PLXNA4: variants seen among roughly 807,000 people sequenced by gnomAD.
The protein encoded by PLXNA4 is plexin A4, also known as plexin-A4.
Under a neutral mutation model 191.8 loss-of-function variants are expected in PLXNA4, and 44 were observed. That is an observed-to-expected ratio of 0.23 (90% CI 0.18 to 0.29). The LOEUF is 0.29. Among genes scored for constraint, PLXNA4 ranks in the 10% least tolerant of loss-of-function variants. The pLI, the probability that PLXNA4 is intolerant of heterozygous loss-of-function variation, is 1.00. For missense variants in PLXNA4, 1,800 were observed against 2,488.8 expected (o/e 0.72, Z 5.89); for synonymous variants, 1,082 against 1,009.5 (o/e 1.07, Z -1.36).
At chr7:132,442,722 C>CA (rs747649274) in intron 3 of PLXNA4, among the ~76,000 whole-genome samples, 5 of 152,250 alleles carry the variant, frequency 3.3e-5, no homozygotes, top group Non-Finnish European at 7.3e-5. Flanking sequence ...AAAACAGTCC[C>CA]AGGCCAACCT....
chr7:132,403,409 G>A (rs1303422317), intron 3 of PLXNA4, among the ~76,000 whole-genome samples: 4 of 152,216 alleles, frequency 2.6e-5, no homozygotes, highest in East Asian at 1.9e-4. Context: ...AGCTGGCAGC[G>A]TGAGCCTAAA....
intron 31 of PLXNA4, among the ~76,000 whole-genome samples, chr7:132,132,378 ATTTGTTCTGT>A (rs1794953943): frequency 7.9e-6 from 1 of 126,652 alleles, no homozygotes; most frequent in Non-Finnish European, 1.6e-5. Flanking sequence ...AACACATTCT[ATTTGTTCTGT>A]TCTGTTCTGT....
At chr7:132,168,267 C>A in intron 22 of PLXNA4, 37 bp downstream of exon 22, 2 of 1,490,920 alleles carry the variant, frequency 1.3e-6, no homozygotes, top group Non-Finnish European at 1.8e-6. Flanking sequence ...AGGTGCATGG[C>A]TAGGCTGGAG....
intron 2 of PLXNA4, among the ~76,000 whole-genome samples, chr7:132,596,859 G>A (rs555568006): frequency 0.02 from 857 of 42,170 alleles, 7 homozygotes; most frequent in Middle Eastern, 0.094. Context: ...TAAATGCCAT[G>A]GTCCTGAAAA....
At chr7:132,135,366 G>A (rs1019813638) in intron 30 of PLXNA4, among the ~76,000 whole-genome samples, 2 of 152,180 alleles carry the variant, frequency 1.3e-5, no homozygotes, top group African/African-American at 2.4e-5. Context: ...CCCATGGAAA[G>A]GACACAACTG....
chr7:132,381,634 A>G (rs930222626), intron 3 of PLXNA4, among the ~76,000 whole-genome samples: 2 of 152,238 alleles, frequency 1.3e-5, no homozygotes, highest in Admixed American at 6.5e-5. Flanking sequence ...TAATAAGGCA[A>G]AGAATTTACA....
At chr7:132,439,378 C>A (rs1300614051) in intron 3 of PLXNA4, among the ~76,000 whole-genome samples, 1 of 152,182 alleles carries the variant, frequency 6.6e-6, no homozygotes, top group African/African-American at 2.4e-5. Flanking sequence ...CATGAACAAG[C>A]AATTTACTTG....
chr7:132,326,288 A>G (rs2116667375), intron 3 of PLXNA4, among the ~76,000 whole-genome samples: 2 of 152,302 alleles, frequency 1.3e-5, no homozygotes, highest in South Asian at 4.1e-4. Flanking sequence ...ACTCCAGATG[A>G]GGGAACTTCC....
chr7:132,458,846 C>T (rs915960301), intron 3 of PLXNA4, among the ~76,000 whole-genome samples: 1 of 152,112 alleles, frequency 6.6e-6, no homozygotes, highest in African/African-American at 2.4e-5. Context: ...TGGAAACAGT[C>T]CCTCTGCCAA....
chr7:132,353,619 A>G (rs1176414223), intron 3 of PLXNA4, among the ~76,000 whole-genome samples: 1 of 152,190 alleles, frequency 6.6e-6, no homozygotes, highest in African/African-American at 2.4e-5. Context: ...AAGCTCGAGG[A>G]AAACCTTATT....
At chr7:132,173,697 G>A (rs1000212947) in intron 21 of PLXNA4, among the ~76,000 whole-genome samples, 13 of 152,252 alleles carry the variant, frequency 8.5e-5, no homozygotes, top group East Asian at 3.9e-4. Context: ...CTCAGGTGTC[G>A]GTACCTGCAA....
chr7:132,617,056 C>A (rs1431870838), intron 2 of PLXNA4, among the ~76,000 whole-genome samples: 1 of 152,194 alleles, frequency 6.6e-6, no homozygotes, highest in Non-Finnish European at 1.5e-5. Context: ...TCCAGGTTGA[C>A]TTGAGTGGCT....
At chr7:132,246,793 ATCATCATCATCATCC>A (rs1562989608) in intron 4 of PLXNA4, among the ~76,000 whole-genome samples, 3 of 151,316 alleles carry the variant, frequency 2.0e-5, no homozygotes, top group African/African-American at 4.9e-5. Flanking sequence ...CATCATCATC[ATCATCATCATCATCC>A]TCATCATCAT....
chr7:132,129,662 C>T lies in PLXNA4; in HGVS notation c.*817G>A, dbSNP rs13246116. On this transcript the variant is annotated 3_prime_UTR_variant, in exon 32 of 32. Coordinates refer to ENST00000321063, the MANE Select transcript of PLXNA4 (RefSeq NM_020911.2). ...GGTAGATGCAACTCTCTTTCCTTTT[C>T]TCCCCCTGTGTTACATTTCTGCTAC... 0.7 allele frequency: 106,323 copies of T among 152,580 alleles called. 38,154 individuals are homozygous for T. Among genetic ancestry groups the T allele is most frequent in the East Asian group, 0.83 (4,289 of 5,178 alleles). 9.5% of individuals were successfully genotyped at this position (152,580 alleles called of 1,614,324 possible). A position where few individuals can be genotyped will look rare whatever the true frequency, so the allele number is the denominator to read the frequency against.
intron 26 of PLXNA4, 101 bp from the exon 27 acceptor site, chr7:132,148,100 C>A (rs922835669): frequency 3.8e-6 from 6 of 1,565,884 alleles, no homozygotes; most frequent in Admixed American, 1.8e-5. Context: ...GAAATTGGTG[C>A]CTTGCTGGAG....
At chr7:132,570,946 C>T (rs1456100903) in intron 1 of PLXNA4, among the ~76,000 whole-genome samples, 1 of 152,222 alleles carries the variant, frequency 6.6e-6, no homozygotes, top group Non-Finnish European at 1.5e-5. Flanking sequence ...TTTATCCACT[C>T]ATTCCTACTG....
intron 3 of PLXNA4, among the ~76,000 whole-genome samples, chr7:132,376,543 T>C (rs533375707): frequency 1.3e-5 from 2 of 152,284 alleles, no homozygotes; most frequent in South Asian, 2.1e-4. Context: ...GAAGCAACCA[T>C]AAGGAAATAA....
At chr7:132,646,482 T>C (rs80229001) in intron 1 of PLXNA4, among the ~76,000 whole-genome samples, 2,598 of 152,220 alleles carry the variant, frequency 0.017, 88 homozygotes, top group African/African-American at 0.06. Context: ...GATACGGTCA[T>C]GACAGCAGGG....
At chr7:132,177,406 C>T (rs1405966075) in intron 20 of PLXNA4, among the ~76,000 whole-genome samples, 1 of 152,236 alleles carries the variant, frequency 6.6e-6, no homozygotes, top group African/African-American at 2.4e-5. Context: ...TGGGCCAGTG[C>T]AGCCCTGTAA....
Sources: gnomAD v4.1 joint callset for allele counts (sites outside exome capture counted in the v4.1 genomes callset) on GRCh38, gnomAD v4.1.1 for gene constraint, MANE v1.5 for transcripts, NCBI Gene and HGNC (gene_info 2026-07-23, HGNC 2026-07-21) for gene names.